Variants in GYG1 observed in about 807,000 individuals in gnomAD.
GYG1 encodes the protein glycogenin-1.
A neutral mutation model predicts 41.9 loss-of-function variants in GYG1; 44 were observed. The observed-to-expected ratio is 1.05, with a 90% CI of 0.83 to 1.35. The LOEUF is 1.35. Among genes scored for constraint, GYG1 ranks in the 40% most tolerant of loss-of-function variants. The pLI is 0.00. For missense variants in GYG1, 429 were observed against 418.9 expected (o/e 1.02, Z -0.21); for synonymous variants, 141 against 158.1 (o/e 0.89, Z 0.81).
At chr3:149,009,577 GC>G (rs1713605937) in intron 5 of GYG1, among the ~76,000 whole-genome samples, 175 bp downstream of exon 5, 1 of 152,188 alleles carries the variant, frequency 6.6e-6, no homozygotes, top group African/African-American at 2.4e-5. Context: ...GTTATCGGTT[GC>G]CTCATGCTTG....
At position 149,026,560 on chromosome 3, in the gene GYG1, G is replaced by C. The variant is rs531654885; in HGVS notation, c.879+58G>C. 2.0e-5 allele frequency: 23 copies of C among 1,122,604 alleles called. No individual in the cohort carries two copies. The South Asian group carries it at 2.2e-4, about 11-fold the overall frequency. The allele number at this position is 1,122,604 out of a possible 1,614,324, so 69.5% of individuals were successfully genotyped here. On this transcript the variant is annotated intron_variant, in intron 7 of 7. Transcript: ENST00000345003. The stretch of plus-strand genomic sequence containing the variant: ...TTTGTTCTCCCAATGTTTTCACTGA[G>C]TCAAGAAGTCTTCATTTTGTTAGGA...
At chr3:149,017,203 G>A (rs1050596813) in intron 5 of GYG1, among the ~76,000 whole-genome samples, 4 of 152,134 alleles carry the variant, frequency 2.6e-5, no homozygotes, top group South Asian at 2.1e-4. Flanking sequence ...TAATTTTAAC[G>A]GCTCACATAA....
rs750132920 is a variant in GYG1, at chr3:149,003,028, AATAG to A, written c.481+6138_481+6141del. Among the ~76,000 whole-genome samples the A allele has an allele frequency of 5.5e-4, 84 of 152,180 alleles. 1 individual carries two copies. The highest frequency in any genetic ancestry group is 1.9e-3 in the African/African-American group (77 of 41,510). On this transcript the variant is annotated intron_variant, in intron 4 of 7. Coordinates refer to ENST00000345003, the MANE Select transcript of GYG1 (RefSeq NM_004130.4). ...CAAGACTCTGTCTCTGTAAATAAAT[AATAG>A]ATAGATAGATAGAAGTGAGTCACAT...
chr3:148,999,549 T>C (rs1329166359), intron 4 of GYG1, among the ~76,000 whole-genome samples: 2 of 152,218 alleles, frequency 1.3e-5, no homozygotes, highest in African/African-American at 2.4e-5. Flanking sequence ...GGGTTTACTA[T>C]CCACTTGAAT....
Position 149,027,456 on chromosome 3 carries a change from T to A in GYG1, c.*523T>A, listed in dbSNP as rs1714720246. ...TCATAAACATATCAACCAATAGCAT[T>A]AACCCATTTTATTTCCTGTCCTTAG... is the stretch of plus-strand genomic sequence containing the variant. On this transcript the variant is annotated 3_prime_UTR_variant, in exon 8 of 8. Coordinates refer to ENST00000345003, the MANE Select transcript of GYG1 (RefSeq NM_004130.4). 6.2e-6 allele frequency: 1 copy of A among 160,386 alleles called. No homozygotes were observed. Among genetic ancestry groups the A allele is most frequent in the Non-Finnish European group, 1.4e-5 (1 of 72,390 alleles). 9.9% of individuals were successfully genotyped at this position (160,386 alleles called of 1,614,324 possible).
At chr3:148,997,208 T>C (rs1273035489) in intron 4 of GYG1, among the ~76,000 whole-genome samples, 1 of 152,136 alleles carries the variant, frequency 6.6e-6, no homozygotes, top group African/African-American at 2.4e-5. Context: ...TATTCAAAAA[T>C]TCAAAAGACT....
At chr3:149,009,121 T>C in intron 4 of GYG1, 155 bp from the exon 5 acceptor site, 2 of 593,058 alleles carry the variant, frequency 3.4e-6, no homozygotes, top group Non-Finnish European at 5.8e-6. Context: ...ATCGTGCCAC[T>C]GCACTCCAGC....
At chr3:149,006,411 C>G (rs1244885611) in intron 4 of GYG1, among the ~76,000 whole-genome samples, 1 of 152,180 alleles carries the variant, frequency 6.6e-6, no homozygotes, top group Non-Finnish European at 1.5e-5. Context: ...ACAACTACAT[C>G]TGTCATTCTT....
At position 148,996,399 on chromosome 3, in the gene GYG1, G is replaced by A; in HGVS notation, c.241G>A (p.Gly81Ser). Residue 81 changes from glycine (G) to serine (S), a missense_variant, in exon 3 of 8, where the codon GGT (glycine) becomes AGT (serine). Gly to Ser is a moderately conservative substitution (Grantham distance 56). Coordinates refer to ENST00000345003, the MANE Select transcript of GYG1 (RefSeq NM_004130.4). The stretch of plus-strand genomic sequence containing the variant: ...AACCTTAATGAAGAGGCCAGAGTTG[G>A]GTGTCACGCTGACAAAGCTCCACTG... Reference protein sequence around the residue: ...HLTLMKRPELGVTLTKLHCWS... With the variant: ...HLTLMKRPELSVTLTKLHCWS... 1.2e-5 allele frequency: 19 copies of A among 1,613,324 alleles called. No individual in the cohort carries two copies. Among genetic ancestry groups the A allele is most frequent in the Non-Finnish European group, 1.6e-5 (19 of 1,179,656 alleles).
intron 5 of GYG1, among the ~76,000 whole-genome samples, chr3:149,019,388 A>ACT (rs751878569): frequency 4.6e-5 from 7 of 152,144 alleles, no homozygotes; most frequent in African/African-American, 1.2e-4. Flanking sequence ...ACTGTGCAGT[A>ACT]CTGCCCTCCA....
chr3:149,030,076 A>C lies in GYG1; in HGVS notation c.*3143A>C, dbSNP rs1714873256. The C allele has an allele frequency of 6.6e-6, 1 of 152,238 alleles. No homozygotes were observed. The highest frequency in any genetic ancestry group is 1.5e-5 in the Non-Finnish European group (1 of 68,032). The allele number at this position is 152,238 out of a possible 1,614,324, so 9.4% of individuals were successfully genotyped here. On this transcript the variant is annotated 3_prime_UTR_variant, in exon 8 of 8. Coordinates refer to ENST00000345003, the MANE Select transcript of GYG1 (RefSeq NM_004130.4). ...TGCATAGAAATGTCACAATTAATGA[A>C]GGATTTTATTTGAAGATAAAGTCAA...
chr3:149,003,115 T>TA (rs1713190412), intron 4 of GYG1, among the ~76,000 whole-genome samples: 1 of 7,268 alleles, frequency 1.4e-4, no homozygotes, highest in African/African-American at 7.3e-4. Context: ...TTTACTATAA[T>TA]TTTTTTTTTT....
chr3:148,991,784 A>T (rs974259804), intron 1 of GYG1, 137 bp downstream of exon 1: 11 of 730,970 alleles, frequency 1.5e-5, no homozygotes, highest in Non-Finnish European at 2.2e-5. Context: ...GGCTGGCCGC[A>T]GCCGGGCGTG....
At chr3:149,005,364 ATTATT>A (rs1050647424) in intron 4 of GYG1, among the ~76,000 whole-genome samples, 9 of 152,148 alleles carry the variant, frequency 5.9e-5, no homozygotes, top group African/African-American at 1.7e-4. Context: ...TGCAATTACT[ATTATT>A]TTATTTACTT....
At chr3:149,002,368 C>T (rs1400886079) in intron 4 of GYG1, among the ~76,000 whole-genome samples, 1 of 152,154 alleles carries the variant, frequency 6.6e-6, no homozygotes, top group Non-Finnish European at 1.5e-5. Flanking sequence ...GACTGAGAAA[C>T]TGACATTTAA....
At chr3:149,021,119 A>C (rs1268393270) in intron 5 of GYG1, among the ~76,000 whole-genome samples, 1 of 152,184 alleles carries the variant, frequency 6.6e-6, no homozygotes, top group African/African-American at 2.4e-5. Flanking sequence ...TCCCACCTGC[A>C]TTCATTACTT....
chr3:149,008,314 C>T (rs78046027), intron 4 of GYG1: 5,257 of 152,466 alleles, frequency 0.034, 103 homozygotes, highest in South Asian at 0.045. Context: ...GTGGTCTGGT[C>T]CCTGCCGCCT....
At position 149,009,261 on chromosome 3, in the gene GYG1, A is replaced by G; in HGVS notation, c.482-15A>G. Reference sequence around the variant, plus strand: ...TAGAGATCTGTTAACTAATTTATATATTTTTTTCTTTTAGGTGGGGACCAA... The same window carrying G: ...TAGAGATCTGTTAACTAATTTATATGTTTTTTTCTTTTAGGTGGGGACCAA... On this transcript the variant is annotated splice_polypyrimidine_tract_variant and intron_variant, in intron 4 of 7. Coordinates refer to ENST00000345003, the MANE Select transcript of GYG1 (RefSeq NM_004130.4). The G allele has an allele frequency of 6.3e-7, 1 of 1,596,084 alleles. No individual in the cohort carries two copies. Among genetic ancestry groups the G allele is most frequent in the Non-Finnish European group, 8.6e-7 (1 of 1,163,878 alleles).
At chr3:149,026,561 T>A in intron 7 of GYG1, 59 bp downstream of exon 7, 1 of 1,122,424 alleles carries the variant, frequency 8.9e-7, no homozygotes, top group Non-Finnish European at 1.4e-6. Context: ...TTTCACTGAG[T>A]CAAGAAGTCT....
Sources: allele counts gnomAD v4.1 joint callset (sites outside exome capture counted in the v4.1 genomes callset), GRCh38; gene constraint gnomAD v4.1.1; transcripts MANE v1.5; gene names NCBI Gene and HGNC (gene_info 2026-07-23, HGNC 2026-07-21).